The following SHISA6 variants were observed in gnomAD, a reference collection of about 807,000 sequenced individuals.
SHISA6 encodes shisa family member 6.
Under a neutral mutation model 47.9 loss-of-function variants are expected in SHISA6, and 22 were observed. The observed-to-expected ratio is 0.46, with a 90% CI of 0.33 to 0.66. The LOEUF (loss-of-function observed/expected upper bound fraction) is 0.66. SHISA6 is among the 30% of genes least tolerant of loss of function. The pLI is 0.02. For synonymous variants in SHISA6, 388 were observed against 337.8 expected, an observed-to-expected ratio of 1.15 and a Z score of -1.63; for missense variants, 680 against 764.6, an observed-to-expected ratio of 0.89 and a Z score of 1.30.
At chr17:11,367,586 C>A (rs1346870720) in intron 2 of SHISA6, among the ~76,000 whole-genome samples, 2 of 152,078 alleles carry the variant, frequency 1.3e-5, no homozygotes, top group Non-Finnish European at 2.9e-5. Context: ...TCTAAGAGAC[C>A]CTGGGCAGTC....
rs963936777 is a variant in SHISA6, at chr17:11,558,244, G to C, written c.1596G>C (p.Leu532=). Residue 532 remains leucine (L), a synonymous_variant, in exon 6 of 6, where the codon CTG becomes CTC. Coordinates refer to ENST00000441885, the MANE Select transcript of SHISA6 (RefSeq NM_207386.4). ...GCAGACACAACACGGTGGAGCAGCT[G>C]CACTACATCCCGGGCCACCACACCT... ...ASRRHNTVEQ[L]HYIPGHHTCY... is the part of the protein sequence containing the mutation. 3 of 1,540,296 alleles carry C rather than the reference G, an allele frequency of 1.9e-6. No individual in the cohort carries two copies. Among genetic ancestry groups the C allele is most frequent in the Non-Finnish European group, 2.6e-6 (3 of 1,146,962 alleles).
At chr17:11,535,718 TGAA>T (rs1332941809) in intron 3 of SHISA6, among the ~76,000 whole-genome samples, 1 of 152,196 alleles carries the variant, frequency 6.6e-6, no homozygotes, top group Admixed American at 6.5e-5. Flanking sequence ...GATGTGAATT[TGAA>T]TTCAGGTTCA....
intron 3 of SHISA6, among the ~76,000 whole-genome samples, chr17:11,384,073 C>A (rs927919057): frequency 6.6e-6 from 1 of 152,194 alleles, no homozygotes; most frequent in Non-Finnish European, 1.5e-5. Context: ...TTACAACCAC[C>A]CTGTGGGAGA....
chr17:11,313,357 C>T (rs1910398904), intron 2 of SHISA6, among the ~76,000 whole-genome samples: 1 of 152,128 alleles, frequency 6.6e-6, no homozygotes, highest in South Asian at 2.1e-4. Flanking sequence ...ATATTATTTT[C>T]CTACCCTCTT....
chr17:11,539,702 G>T (rs373779318), intron 3 of SHISA6, among the ~76,000 whole-genome samples: 1 of 152,224 alleles, frequency 6.6e-6, no homozygotes, highest in Non-Finnish European at 1.5e-5. Flanking sequence ...TCTGCTTCCT[G>T]CAAACAGCCT....
At chr17:11,297,599 A>G (rs1018745361) in intron 2 of SHISA6, among the ~76,000 whole-genome samples, 3 of 152,188 alleles carry the variant, frequency 2.0e-5, no homozygotes, top group Admixed American at 6.5e-5. Context: ...TTCAAGTCAT[A>G]TTAACCAGAA....
chr17:11,423,427 G>C (rs1292061751), intron 3 of SHISA6, among the ~76,000 whole-genome samples: 1 of 151,800 alleles, frequency 6.6e-6, no homozygotes, highest in Non-Finnish European at 1.5e-5. Context: ...AACTGCAACT[G>C]TTTGGGGAAA....
chr17:11,402,536 G>C (rs1213484432), intron 3 of SHISA6, among the ~76,000 whole-genome samples: 2 of 152,122 alleles, frequency 1.3e-5, no homozygotes, highest in Non-Finnish European at 2.9e-5. Flanking sequence ...TAGGCTCTTT[G>C]CTCTGAGTCA....
intron 3 of SHISA6, among the ~76,000 whole-genome samples, chr17:11,456,568 C>A (rs1915540586): frequency 6.6e-6 from 1 of 152,184 alleles, no homozygotes; most frequent in Non-Finnish European, 1.5e-5. Flanking sequence ...GGTTTTCACA[C>A]ATTTTGTTTT....
Position 11,241,805 on chromosome 17 carries a change from T to A in SHISA6, c.383T>A (p.Phe128Tyr), listed in dbSNP as rs1168670332. ...LYCCGTCYYR[F>Y]CCKKRHEKLD... ...TGCTGCGGTACCTGCTACTACCGCT[T>A]CTGCTGCAAGAAGCGCCACGAGAAG... Residue 128 changes from phenylalanine to tyrosine, a missense_variant, in exon 1 of 6, where the codon TTC becomes TAC. By Grantham distance (22) the Phe-to-Tyr change is conservative (BLOSUM62 3). This residue lies in a region of SHISA6 where 559 missense variants were observed against 674.1 expected (regional missense o/e 0.83). Coordinates refer to ENST00000441885, the MANE Select transcript of SHISA6 (RefSeq NM_207386.4). The surrounding 1 kb of genome is among the most constrained non-coding windows in gnomAD (Gnocchi z 5.5). 5.2e-6 allele frequency: 8 copies of A among 1,550,534 alleles called. No individual in the cohort carries two copies. Among genetic ancestry groups the A allele is most frequent in the African/African-American group, 1.4e-5 (1 of 73,054 alleles).
chr17:11,489,111 C>T (rs1916417033), intron 3 of SHISA6, among the ~76,000 whole-genome samples: 1 of 152,132 alleles, frequency 6.6e-6, no homozygotes, highest in East Asian at 1.9e-4. Flanking sequence ...CGCAGTCTAG[C>T]CATCCTTCCT....
intron 3 of SHISA6, among the ~76,000 whole-genome samples, chr17:11,526,852 T>C (rs994460300): frequency 2.1e-5 from 3 of 140,840 alleles, no homozygotes; most frequent in Non-Finnish European, 3.1e-5. Flanking sequence ...GTACATGTGA[T>C]ATCTTGATGC....
At chr17:11,308,773 C>T (rs1356818093) in intron 2 of SHISA6, among the ~76,000 whole-genome samples, 3 of 152,054 alleles carry the variant, frequency 2.0e-5, no homozygotes, top group Non-Finnish European at 4.4e-5. Context: ...TCGGTGGCTG[C>T]GATGCAGGCA....
At chr17:11,510,068 C>G (rs1312319881) in intron 3 of SHISA6, among the ~76,000 whole-genome samples, 1 of 151,962 alleles carries the variant, frequency 6.6e-6, no homozygotes, top group Admixed American at 6.6e-5. Context: ...TTGCACAGAG[C>G]TGGCTTCTTG....
intron 3 of SHISA6, among the ~76,000 whole-genome samples, chr17:11,409,703 C>CAAAA (rs35351476): frequency 1.1e-4 from 9 of 82,156 alleles, no homozygotes; most frequent in Admixed American, 3.0e-4. Flanking sequence ...GACTCCATCT[C>CAAAA]AAAAAAAAAA....
chr17:11,312,890 C>G (rs1052903353), intron 2 of SHISA6, among the ~76,000 whole-genome samples: 4 of 152,080 alleles, frequency 2.6e-5, no homozygotes, highest in African/African-American at 9.7e-5. Context: ...AATGCTAGAT[C>G]AAAATTACTC....
At chr17:11,397,674 CTT>C (rs371710999) in intron 3 of SHISA6, among the ~76,000 whole-genome samples, 3,064 of 144,182 alleles carry the variant, frequency 0.021, 107 homozygotes, top group African/African-American at 0.062. Context: ...TTCTATGTTA[CTT>C]TTTTTTTTTT....
At chr17:11,500,662 A>G (rs1014602982) in intron 3 of SHISA6, among the ~76,000 whole-genome samples, 1 of 152,220 alleles carries the variant, frequency 6.6e-6, no homozygotes, top group South Asian at 2.1e-4. Flanking sequence ...CACTAGGAAC[A>G]TGTGGCTGTT....
intron 3 of SHISA6, among the ~76,000 whole-genome samples, chr17:11,477,381 T>A (rs1916077690): frequency 6.6e-6 from 1 of 152,196 alleles, no homozygotes; most frequent in Non-Finnish European, 1.5e-5. Flanking sequence ...ACATTTTACA[T>A]GATTCTATTT....
Sources: allele counts gnomAD v4.1 joint callset (sites outside exome capture counted in the v4.1 genomes callset), GRCh38; gene constraint gnomAD v4.1.1; regional missense constraint gnomAD v4.1.1; non-coding constraint Gnocchi (gnomAD v3.1); transcripts MANE v1.5; gene names NCBI Gene and HGNC (gene_info 2026-07-23, HGNC 2026-07-21).